The following MDGA2 variants were observed in gnomAD, a reference collection of about 807,000 sequenced individuals.
MDGA2 encodes the protein MAM domain containing glycosylphosphatidylinositol anchor 2, also known as MAM domain-containing glycosylphosphatidylinositol anchor protein 2.
MDGA2 carries 40 observed loss-of-function variants against 117.8 expected under a neutral mutation model. That is an observed-to-expected ratio of 0.34 (90% CI 0.26 to 0.44). MDGA2 has a LOEUF of 0.44. Among genes scored for constraint, MDGA2 ranks in the 20% least tolerant of loss-of-function variants. The pLI is 1.00. For missense variants in MDGA2, 1,123 were observed against 1,250.6 expected, an observed-to-expected ratio of 0.90 and a Z score of 1.54; for synonymous variants, 452 against 439.0, an observed-to-expected ratio of 1.03 and a Z score of -0.37.
rs77873045 is a variant in MDGA2, at chr14:47,651,821, A to G, written c.280+22696T>C. Among the ~76,000 whole-genome samples, 1,425 of 152,294 alleles carry G rather than the reference A, an allele frequency of 9.4e-3. 12 individuals carry two copies. The highest frequency in any genetic ancestry group is 0.016 in the Non-Finnish European group (1,086 of 68,012). ...TTTCAGGGATAAAAACGAAAGGTCA[A>G]GGTCAAGCATGACTTTCAGGTGAAT... On this transcript the variant is annotated intron_variant, in intron 1 of 16. Transcript: ENST00000399232.
At chr14:47,342,282 A>C (rs937731468) in intron 1 of MDGA2, among the ~76,000 whole-genome samples, 1 of 138,676 alleles carries the variant, frequency 7.2e-6, no homozygotes, top group African/African-American at 2.6e-5. Flanking sequence ...ATATATATAT[A>C]AAATATGTTA....
intron 1 of MDGA2, among the ~76,000 whole-genome samples, chr14:47,484,021 TAA>T (rs993158712): frequency 8.5e-5 from 13 of 152,204 alleles, no homozygotes; most frequent in African/African-American, 3.1e-4. Context: ...GTTTTAAAAA[TAA>T]GTTTTGTCTA....
chr14:47,674,543 T>C lies in MDGA2; in HGVS notation c.254A>G (p.Glu85Gly). The change falls in exon 1 of 17, where the codon GAG becomes GGG. Residue 85 changes from glutamate (E) to glycine (G), a missense_variant. Glu to Gly is a moderately conservative substitution (Grantham distance 98). This residue lies in a region of MDGA2 where 233 missense variants were observed against 200.3 expected (regional missense o/e 1.16). Transcript: ENST00000399232. Reference protein sequence around the residue: ...GLVWLLTVLLEGISGQGVYAP... With the variant: ...GLVWLLTVLLGGISGQGVYAP... ...GTACACTCCTTGGCCAGAGATCCCCTCCAGGAGGACTGTCAGCAGCCACAC... is the reference window on the plus strand; with the variant it reads ...GTACACTCCTTGGCCAGAGATCCCCCCCAGGAGGACTGTCAGCAGCCACAC... 1 of 1,551,116 alleles carries C rather than the reference T, an allele frequency of 6.4e-7. No homozygotes were observed. The highest frequency in any genetic ancestry group is 8.7e-7 in the Non-Finnish European group (1 of 1,146,762).
At chr14:47,073,130 T>C (rs564844766) in intron 6 of MDGA2, among the ~76,000 whole-genome samples, 6 of 152,318 alleles carry the variant, frequency 3.9e-5, no homozygotes, top group Admixed American at 2.6e-4. Context: ...GTCAACCTTC[T>C]TTACCTACGA....
chr14:46,903,920 T>C (rs12891988), intron 10 of MDGA2, among the ~76,000 whole-genome samples: 27,919 of 152,210 alleles, frequency 0.18, 3,291 homozygotes, highest in Non-Finnish European at 0.26. Flanking sequence ...TTCATCAAAT[T>C]TGAATTGTCA....
intron 1 of MDGA2, among the ~76,000 whole-genome samples, chr14:47,518,813 T>C (rs542217538): frequency 1.3e-5 from 2 of 152,210 alleles, no homozygotes; most frequent in Non-Finnish European, 2.9e-5. Context: ...TCAGGAGACA[T>C]AGATAATTAG....
intron 1 of MDGA2, among the ~76,000 whole-genome samples, chr14:47,571,763 C>A (rs12886632): frequency 7.1e-6 from 1 of 140,886 alleles, no homozygotes; most frequent in African/African-American, 2.7e-5. Context: ...GGGGGGCGGT[C>A]GGGGGATAGG....
At chr14:47,121,581 G>T (rs1215210287) in intron 5 of MDGA2, among the ~76,000 whole-genome samples, 4 of 151,986 alleles carry the variant, frequency 2.6e-5, no homozygotes, top group African/African-American at 9.7e-5. Flanking sequence ...ATTTTAGAAA[G>T]CCTCTTTTCT....
chr14:47,036,239 C>T (rs1211832852), intron 7 of MDGA2, among the ~76,000 whole-genome samples: 38 of 133,254 alleles, frequency 2.9e-4, no homozygotes, highest in African/African-American at 1.0e-3. Context: ...CACTGCACTC[C>T]AGCCTGGGCG....
intron 2 of MDGA2, among the ~76,000 whole-genome samples, chr14:47,254,336 C>T (rs1887547921): frequency 6.6e-6 from 1 of 152,146 alleles, no homozygotes; most frequent in Non-Finnish European, 1.5e-5. Flanking sequence ...CTCTTGAATG[C>T]TTTGCTGCTT....
At chr14:47,124,943 G>A (rs192521883) in intron 5 of MDGA2, among the ~76,000 whole-genome samples, 11 of 152,240 alleles carry the variant, frequency 7.2e-5, no homozygotes, top group Non-Finnish European at 1.0e-4. Context: ...CAGTCACTCA[G>A]TCTGTGGTGC....
intron 1 of MDGA2, among the ~76,000 whole-genome samples, chr14:47,609,088 G>C (rs1207043532): frequency 1.3e-5 from 2 of 151,404 alleles, no homozygotes; most frequent in East Asian, 2.0e-4. Flanking sequence ...TAGGTTATTG[G>C]GGTGCAGGTG....
At chr14:47,278,346 G>A (rs1888371791) in intron 2 of MDGA2, among the ~76,000 whole-genome samples, 1 of 151,920 alleles carries the variant, frequency 6.6e-6, no homozygotes, top group East Asian at 1.9e-4. Context: ...ACGAGATTCT[G>A]ATACATACAA....
At chr14:47,439,918 A>G (rs940800083) in intron 1 of MDGA2, among the ~76,000 whole-genome samples, 9 of 152,206 alleles carry the variant, frequency 5.9e-5, no homozygotes, top group African/African-American at 2.2e-4. Context: ...GATAATAAAA[A>G]GCAGACTTAC....
intron 1 of MDGA2, among the ~76,000 whole-genome samples, chr14:47,635,611 T>A (rs968104048): frequency 6.6e-6 from 1 of 152,176 alleles, no homozygotes. Flanking sequence ...TGCTAATACC[T>A]TTCTACAAGG....
At chr14:47,168,514 T>G (rs1883984209) in intron 3 of MDGA2, among the ~76,000 whole-genome samples, 1 of 152,024 alleles carries the variant, frequency 6.6e-6, no homozygotes, top group Admixed American at 6.6e-5. Context: ...GCTCGAGTTC[T>G]TTTCCCCTAA....
chr14:47,285,091 T>C (rs571068805), intron 2 of MDGA2, among the ~76,000 whole-genome samples: 3 of 152,260 alleles, frequency 2.0e-5, no homozygotes, highest in Admixed American at 1.3e-4. Flanking sequence ...AAAGATATAT[T>C]AGAGAAGTTT....
At chr14:47,602,907 G>A (rs994008779) in intron 1 of MDGA2, among the ~76,000 whole-genome samples, 13 of 152,114 alleles carry the variant, frequency 8.5e-5, no homozygotes, top group Admixed American at 6.5e-4. Context: ...TATCACTGGA[G>A]TCCAAGTGAA....
chr14:47,481,994 G>A (rs147390240), intron 1 of MDGA2, among the ~76,000 whole-genome samples: 14 of 152,106 alleles, frequency 9.2e-5, no homozygotes, highest in African/African-American at 1.4e-4. Context: ...CACAGGCACC[G>A]TGATATAGAA....
Sources: allele counts gnomAD v4.1 joint callset (sites outside exome capture counted in the v4.1 genomes callset), GRCh38; gene constraint gnomAD v4.1.1; regional missense constraint gnomAD v4.1.1; transcripts MANE v1.5; gene names NCBI Gene and HGNC (gene_info 2026-07-23, HGNC 2026-07-21).